MAP3K3: variants seen among roughly 807,000 people sequenced by gnomAD.
MAP3K3 encodes the protein mitogen-activated protein kinase kinase kinase 3.
MAP3K3 carries 12 observed loss-of-function variants against 80.9 expected under a neutral mutation model. The observed-to-expected ratio is 0.15, with a 90% CI of 0.10 to 0.24. The LOEUF is 0.24. Ranked by LOEUF, MAP3K3 falls within the 10% of genes least tolerant of loss-of-function variation. The pLI, the probability that MAP3K3 is intolerant of heterozygous loss-of-function variation, is 1.00. For synonymous variants in MAP3K3, 272 were observed against 307.1 expected, an observed-to-expected ratio of 0.89 and a Z score of 1.19; for missense variants, 596 against 834.7, an observed-to-expected ratio of 0.71 and a Z score of 3.52.
At chr17:63,649,258 G>A (rs955640576) in intron 3 of MAP3K3, among the ~76,000 whole-genome samples, 1 of 151,958 alleles carries the variant, frequency 6.6e-6, no homozygotes, top group Non-Finnish European at 1.5e-5. Flanking sequence ...CCAACATGGT[G>A]AAACCCTGTC....
chr17:63,664,244 C>T (rs796566770), intron 5 of MAP3K3, among the ~76,000 whole-genome samples: 960 of 79,720 alleles, frequency 0.012, 14 homozygotes, highest in African/African-American at 0.058. Flanking sequence ...GAGACTCCGT[C>T]TCAAAAAAAA....
intron 5 of MAP3K3, among the ~76,000 whole-genome samples, chr17:63,661,243 C>T (rs577465016): frequency 2.0e-5 from 3 of 152,252 alleles, no homozygotes; most frequent in East Asian, 1.9e-4. Context: ...GATGGGGTTT[C>T]GCACTGTTGG....
At chr17:63,673,839 A>G (rs1288208894) in intron 6 of MAP3K3, among the ~76,000 whole-genome samples, 2 of 152,110 alleles carry the variant, frequency 1.3e-5, no homozygotes, top group African/African-American at 4.8e-5. Context: ...GAACCTGGGA[A>G]GCAGAGGTTG....
rs1213770149 is a variant in MAP3K3 at position 63,692,801 on chromosome 17, C to T, written c.1652+382C>T. 6.6e-6 allele frequency among the ~76,000 whole-genome samples: 1 copy of T among 152,190 alleles called. No homozygotes were observed. Among genetic ancestry groups the T allele is most frequent in the African/African-American group, 2.4e-5 (1 of 41,434 alleles). On this transcript the variant is annotated intron_variant, in intron 15 of 15. Coordinates refer to ENST00000361733, the MANE Select transcript of MAP3K3 (RefSeq NM_002401.5). This position sits in a 1 kb window ranked among gnomAD's most constrained non-coding sequence, Gnocchi z 4.5. Reference sequence around the variant, plus strand: ...ACCTTGTGTCTATCCTCTGAAATGGCCCCTAAGTCAGGAGAGCTTCTCCCC... The same window carrying T: ...ACCTTGTGTCTATCCTCTGAAATGGTCCCTAAGTCAGGAGAGCTTCTCCCC...
chr17:63,640,195 A>C (rs952593510), intron 2 of MAP3K3, among the ~76,000 whole-genome samples: 4 of 152,198 alleles, frequency 2.6e-5, no homozygotes, highest in African/African-American at 9.7e-5. Context: ...CAGGAGGATC[A>C]CTTGAACCCA....
intron 5 of MAP3K3, among the ~76,000 whole-genome samples, chr17:63,666,286 T>G (rs754942033): frequency 2.2e-4 from 33 of 152,132 alleles, no homozygotes; most frequent in Non-Finnish European, 4.3e-4. Flanking sequence ...ATCTTCTTAA[T>G]TTTCAGGGAG....
At chr17:63,632,927 G>T (rs1179097174) in intron 2 of MAP3K3, 125 bp downstream of exon 2, 3 of 1,291,000 alleles carry the variant, frequency 2.3e-6, no homozygotes, top group Non-Finnish European at 2.1e-6. Context: ...TCCTTTCACA[G>T]TCTGTTAAAT....
At chr17:63,632,136 C>T (rs1054497658) in intron 1 of MAP3K3, among the ~76,000 whole-genome samples, 1 of 152,128 alleles carries the variant, frequency 6.6e-6, no homozygotes, top group African/African-American at 2.4e-5. Context: ...GAGCGTGTCC[C>T]TTCCCTGCAA....
intron 2 of MAP3K3, chr17:63,636,964 G>T: frequency 1.7e-6 from 1 of 604,432 alleles, no homozygotes; most frequent in Non-Finnish European, 3.2e-6. Context: ...GGGCCTCCAA[G>T]CTGGTGCCCA....
chr17:63,622,834 G>T, intron 1 of MAP3K3, 71 bp downstream of exon 1: 1 of 411,352 alleles, frequency 2.4e-6, no homozygotes, highest in South Asian at 1.8e-5. Flanking sequence ...TGAGGGAGGA[G>T]GACCCTGGGC....
intron 6 of MAP3K3, among the ~76,000 whole-genome samples, chr17:63,677,652 A>G (rs974920549): frequency 2.0e-5 from 3 of 152,272 alleles, no homozygotes; most frequent in African/African-American, 7.2e-5. Context: ...GGCATTTTGT[A>G]TTCCTGGCCT....
chr17:63,692,456 C>T lies in MAP3K3; in HGVS notation c.1652+37C>T, dbSNP rs372374104. 188 of 1,564,990 alleles carry T rather than the reference C, an allele frequency of 1.2e-4. 1 individual carries two copies. The African/African-American group carries it at 2.3e-3, about 19-fold the overall frequency. On this transcript the variant is annotated intron_variant, in intron 15 of 15. Coordinates refer to ENST00000361733, the MANE Select transcript of MAP3K3 (RefSeq NM_002401.5). This position sits in a 1 kb window ranked among gnomAD's most constrained non-coding sequence, Gnocchi z 4.5. ...GACATGCAGAACCCATTCTTCCACC[C>T]AGGCCATAGTGGCCCCCCATTAGAA...
intron 2 of MAP3K3, among the ~76,000 whole-genome samples, chr17:63,641,577 G>C (rs2034444647): frequency 6.6e-6 from 1 of 152,084 alleles, no homozygotes; most frequent in Non-Finnish European, 1.5e-5. Flanking sequence ...AATTACTTTT[G>C]CACCAACCTA....
intron 7 of MAP3K3, among the ~76,000 whole-genome samples, chr17:63,684,980 T>C (rs1307173787): frequency 6.6e-6 from 1 of 152,206 alleles, no homozygotes; most frequent in African/African-American, 2.4e-5. Context: ...TATTTAGATA[T>C]CTATTACCTC....
rs1388793225 is a variant in MAP3K3, at chr17:63,695,076, G to A, written c.*1299G>A. On this transcript the variant is annotated 3_prime_UTR_variant, in exon 16 of 16. Coordinates refer to ENST00000361733, the MANE Select transcript of MAP3K3 (RefSeq NM_002401.5). The surrounding 1 kb of genome is among the most constrained non-coding windows in gnomAD (Gnocchi z 4.1). The stretch of plus-strand genomic sequence containing the variant: ...CTCTCAACACCCAGTTTCCTTGGGA[G>A]TTGTCATTAAAGGAAAAAAAAAAAA... 6.9e-6 allele frequency: 1 copy of A among 144,984 alleles called. No homozygotes were observed. Among genetic ancestry groups the A allele is most frequent in the Admixed American group, 6.9e-5 (1 of 14,470 alleles). The allele number at this position is 144,984 out of a possible 1,614,324, so 9.0% of individuals were successfully genotyped here.
chr17:63,635,160 A>G (rs953248363), intron 2 of MAP3K3, among the ~76,000 whole-genome samples: 3 of 152,148 alleles, frequency 2.0e-5, no homozygotes, highest in African/African-American at 7.2e-5. Context: ...GCTAGTGGCT[A>G]TTGTATTGGA....
chr17:63,661,016 A>G (rs1199904933), intron 5 of MAP3K3, among the ~76,000 whole-genome samples: 3 of 152,142 alleles, frequency 2.0e-5, no homozygotes, highest in East Asian at 1.9e-4. Context: ...GAGAGGCCTC[A>G]ATATTATTCT....
chr17:63,685,540 A>G lies in MAP3K3; in HGVS notation c.660A>G (p.Ala220=). 1.2e-6 allele frequency: 2 copies of G among 1,614,212 alleles called. No homozygotes were observed. The highest frequency in any genetic ancestry group is 1.7e-6 in the Non-Finnish European group (2 of 1,180,022). The part of the protein sequence containing the change: ...EQCMLDPLSS[A]ENSLSGSCQS... The stretch of plus-strand genomic sequence containing the variant: ...AGATGCTGGATCCCCTGAGCAGTGC[A>G]GAAAATTCCTTGTCTGGAAGCTGCC... Residue 220 remains alanine, a synonymous_variant, in exon 8 of 16, where the codon GCA becomes GCG. Coordinates refer to ENST00000361733, the MANE Select transcript of MAP3K3 (RefSeq NM_002401.5).
At chr17:63,660,650 G>A (rs2034871581) in intron 5 of MAP3K3, among the ~76,000 whole-genome samples, 1 of 151,402 alleles carries the variant, frequency 6.6e-6, no homozygotes, top group Non-Finnish European at 1.5e-5. Flanking sequence ...TGGAGTGCAG[G>A]GGTGTGATCT....
Sources: gnomAD v4.1 joint callset for allele counts (sites outside exome capture counted in the v4.1 genomes callset) on GRCh38, gnomAD v4.1.1 for gene constraint, Gnocchi (gnomAD v3.1) non-coding constraint, MANE v1.5 for transcripts, NCBI Gene and HGNC (gene_info 2026-07-23, HGNC 2026-07-21) for gene names.